Variants in TDRD3 observed in about 807,000 individuals in gnomAD.
TDRD3 encodes tudor domain-containing protein 3.
In TDRD3, 45 loss-of-function variants were observed where a neutral mutation model predicts 86.7. That is an observed-to-expected ratio of 0.52 (90% CI 0.41 to 0.67). The LOEUF is 0.67. Ranked by LOEUF, TDRD3 falls within the 30% of genes least tolerant of loss-of-function variation. The pLI is 0.00. For synonymous variants in TDRD3, 298 were observed against 301.7 expected, an observed-to-expected ratio of 0.99 and a Z score of 0.13; for missense variants, 814 against 889.0, an observed-to-expected ratio of 0.92 and a Z score of 1.07.
rs374086102 is a variant in TDRD3, at chr13:60,468,706, A to T, written c.495+1327A>T. Reference sequence around the variant, plus strand: ...ATGATGGATCTGAGCACAATCCAAGACCATTTTTTTCTGTTATACCAGAGT... The same window carrying T: ...ATGATGGATCTGAGCACAATCCAAGTCCATTTTTTTCTGTTATACCAGAGT... On this transcript the variant is annotated intron_variant, in intron 5 of 13. Coordinates refer to ENST00000377881, the MANE Select transcript of TDRD3 (RefSeq NM_001146070.2). Among the ~76,000 whole-genome samples the T allele has an allele frequency of 9.2e-5, 14 of 152,260 alleles. No homozygotes were observed. In the East Asian group the frequency reaches 1.9e-3, roughly 21 times the overall value.
intron 12 of TDRD3, among the ~76,000 whole-genome samples, chr13:60,554,508 T>C (rs1958143493): frequency 6.6e-6 from 1 of 152,174 alleles, no homozygotes; most frequent in African/African-American, 2.4e-5. Flanking sequence ...TACTTTTTAA[T>C]AAACAATTTA....
At chr13:60,402,530 A>G (rs1426742253) in intron 1 of TDRD3, among the ~76,000 whole-genome samples, 1 of 152,180 alleles carries the variant, frequency 6.6e-6, no homozygotes, top group Non-Finnish European at 1.5e-5. Context: ...TTTAAAATCT[A>G]GAATTATGAT....
chr13:60,487,284 C>T (rs1014641228), intron 7 of TDRD3, among the ~76,000 whole-genome samples: 2 of 152,056 alleles, frequency 1.3e-5, no homozygotes, highest in Non-Finnish European at 1.5e-5. Flanking sequence ...TCACCTGAGC[C>T]TGACCAACCT....
rs531482818 is a variant in TDRD3, at chr13:60,464,486, C to T, written c.354-2752C>T. 1.3e-4 allele frequency among the ~76,000 whole-genome samples: 20 copies of T among 152,106 alleles called. No individual in the cohort carries two copies. The South Asian group carries it at 3.3e-3, about 25-fold the overall frequency. ...ATTGTAGCACTATTCACAATACCCA[C>T]GATATGGAATCAACCTAAGTGTGCA... On this transcript the variant is annotated intron_variant, in intron 4 of 13. Coordinates refer to ENST00000377881, the MANE Select transcript of TDRD3 (RefSeq NM_001146070.2).
intron 12 of TDRD3, among the ~76,000 whole-genome samples, chr13:60,545,236 T>C (rs1174696376): frequency 6.6e-6 from 1 of 152,184 alleles, no homozygotes; most frequent in Admixed American, 6.5e-5. Flanking sequence ...ATTGCTGGCA[T>C]GGGTCTTGAT....
intron 10 of TDRD3, among the ~76,000 whole-genome samples, chr13:60,525,117 A>G (rs1418045745): frequency 7.8e-6 from 1 of 128,788 alleles, no homozygotes. Context: ...AAACCCCACA[A>G]TTTTCACTTT....
chr13:60,537,821 T>C (rs1158395005), intron 12 of TDRD3: 1 of 152,030 alleles, frequency 6.6e-6, no homozygotes, highest in Non-Finnish European at 1.5e-5. Flanking sequence ...TATGTTTGTA[T>C]TGCCACAAGA....
chr13:60,493,523 G>A (rs1001341534), intron 7 of TDRD3, among the ~76,000 whole-genome samples: 5 of 151,908 alleles, frequency 3.3e-5, no homozygotes, highest in Non-Finnish European at 5.9e-5. Context: ...TTAGCCGGGT[G>A]GTAGTGGCAC....
At chr13:60,564,565 C>T (rs1040517119) in intron 12 of TDRD3, among the ~76,000 whole-genome samples, 1 of 152,156 alleles carries the variant, frequency 6.6e-6, no homozygotes, top group African/African-American at 2.4e-5. Flanking sequence ...GACTCTTCCT[C>T]TAATTAGCTC....
chr13:60,500,590 C>T (rs182813798), intron 8 of TDRD3, among the ~76,000 whole-genome samples: 7 of 152,252 alleles, frequency 4.6e-5, no homozygotes, highest in Admixed American at 2.0e-4. Flanking sequence ...TCCCAGTGGG[C>T]AGAACTTCAA....
chr13:60,422,269 G>A (rs958938121), intron 1 of TDRD3, among the ~76,000 whole-genome samples: 1 of 152,132 alleles, frequency 6.6e-6, no homozygotes, highest in Non-Finnish European at 1.5e-5. Flanking sequence ...ACAGGTGGAG[G>A]ATTCATAATA....
rs200150336 is a variant in TDRD3 at position 60,510,764 on chromosome 13, A to G, written c.1141+9A>G. On this transcript the variant is annotated intron_variant, in intron 10 of 13. Coordinates refer to ENST00000377881, the MANE Select transcript of TDRD3 (RefSeq NM_001146070.2). ...AACTTTGAATGTGGAAGGTAAGCTA[A>G]TTTAAAGTTGATTCCTTTTTTTTTC... The G allele has an allele frequency of 4.3e-4, 654 of 1,521,004 alleles. 2 individuals carry two copies. Among genetic ancestry groups the G allele is most frequent in the Non-Finnish European group, 8.3e-5 (94 of 1,136,786 alleles). 94.2% of individuals were successfully genotyped at this position (1,521,004 alleles called of 1,614,324 possible).
intron 3 of TDRD3, 49 bp downstream of exon 3, chr13:60,444,797 A>C: frequency 1.8e-6 from 2 of 1,088,900 alleles, no homozygotes; most frequent in Admixed American, 3.0e-5. Flanking sequence ...GTTACAATAA[A>C]TATGAACTAA....
chr13:60,460,637 T>A (rs565482635), intron 4 of TDRD3, 97 bp downstream of exon 4: 2 of 1,065,952 alleles, frequency 1.9e-6, no homozygotes, highest in Non-Finnish European at 1.3e-6. Flanking sequence ...AATGGACCCT[T>A]AATTGTGTGT....
At chr13:60,490,212 C>T (rs1459833034) in intron 7 of TDRD3, among the ~76,000 whole-genome samples, 1 of 151,988 alleles carries the variant, frequency 6.6e-6, no homozygotes, top group Non-Finnish European at 1.5e-5. Flanking sequence ...AGATCTGAAT[C>T]ATAGTAATAT....
chr13:60,463,525 CTA>C (rs948110103), intron 4 of TDRD3, among the ~76,000 whole-genome samples: 4 of 151,832 alleles, frequency 2.6e-5, no homozygotes, highest in Non-Finnish European at 5.9e-5. Flanking sequence ...TTAAATCAAA[CTA>C]AAAAGCTTCT....
intron 12 of TDRD3, among the ~76,000 whole-genome samples, chr13:60,560,895 T>C (rs949561361): frequency 3.9e-5 from 6 of 152,208 alleles, no homozygotes; most frequent in East Asian, 1.9e-4. Context: ...AGTTGTTTAG[T>C]GATAAGGTTT....
At chr13:60,488,906 T>G (rs775850989) in intron 7 of TDRD3, among the ~76,000 whole-genome samples, 13 of 152,204 alleles carry the variant, frequency 8.5e-5, no homozygotes, top group South Asian at 8.3e-4. Context: ...TTTGTTTAGT[T>G]TTGTTTTGCT....
At chr13:60,397,208 A>C (rs914350716), upstream of TDRD3, 20 of 423,918 alleles carry the variant, frequency 4.7e-5, no homozygotes, top group African/African-American at 2.7e-4. Context: ...CGCACGCGGA[A>C]GCGCCGGCCG....
Sources: allele counts gnomAD v4.1 joint callset (sites outside exome capture counted in the v4.1 genomes callset), GRCh38; gene constraint gnomAD v4.1.1; transcripts MANE v1.5; gene names NCBI Gene and HGNC (gene_info 2026-07-23, HGNC 2026-07-21).